Variants in TNIK observed in about 807,000 individuals in gnomAD.
TNIK encodes the protein TRAF2 and NCK-interacting protein kinase.
TNIK carries 49 observed loss-of-function variants against 191.3 expected under a neutral mutation model. The ratio of observed to expected loss-of-function variants is 0.26; its 90% confidence interval spans 0.20 to 0.32. The LOEUF (loss-of-function observed/expected upper bound fraction) is 0.32. TNIK is among the 10% of genes least tolerant of loss of function. The probability of loss-of-function intolerance (pLI) is 1.00; values close to 1 mark genes in which losing one functional copy is unlikely to be tolerated. For synonymous variants in TNIK, 594 were observed against 600.9 expected, an observed-to-expected ratio of 0.99 and a Z score of 0.17; for missense variants, 1,155 against 1,702.3, an observed-to-expected ratio of 0.68 and a Z score of 5.66.
Position 171,115,171 on chromosome 3 carries a change from T to A in TNIK, c.2121-4294A>T, listed in dbSNP as rs1000824041. Among the ~76,000 whole-genome samples the A allele has an allele frequency of 6.6e-5, 10 of 152,280 alleles. No individual in the cohort carries two copies. The Middle Eastern group carries it at 0.01, about 155-fold the overall frequency. ...TAGTATTCTTTGTATTACAAAAAAA[T>A]AAATAAAAAATCTCTTGAGAGGAGG... On this transcript the variant is annotated intron_variant, in intron 18 of 32. Transcript: ENST00000436636.
chr3:171,318,735 T>C (rs150721921), intron 2 of TNIK, among the ~76,000 whole-genome samples: 1 of 152,328 alleles, frequency 6.6e-6, no homozygotes, highest in East Asian at 1.9e-4. Flanking sequence ...CCTCCTTTTA[T>C]AAACTCTCAA....
At chr3:171,336,592 A>G (rs1756971255) in intron 2 of TNIK, among the ~76,000 whole-genome samples, 2 of 152,200 alleles carry the variant, frequency 1.3e-5, no homozygotes, top group South Asian at 2.1e-4. Flanking sequence ...ACCTGATGAC[A>G]TACATTTTAT....
In TNIK at chr3:171,460,297, G is replaced by C. The variant is rs1476416247; in HGVS notation, c.-234C>G. On this transcript the variant is annotated 5_prime_UTR_variant, in exon 1 of 33. Coordinates refer to ENST00000436636, the MANE Select transcript of TNIK (RefSeq NM_015028.4). This position sits in a 1 kb window ranked among gnomAD's most constrained non-coding sequence, Gnocchi z 6.8. ...ATCTCCAAGCCCCGAGCAGCGGTGC[G>C]TGTGGGCTGAGCGCCCCGATCGGCT... 1.0e-5 allele frequency: 6 copies of C among 594,020 alleles called. No homozygotes were observed. Among genetic ancestry groups the C allele is most frequent in the Non-Finnish European group, 1.8e-5 (6 of 338,160 alleles). The allele number at this position is 594,020 out of a possible 1,614,324, so 36.8% of individuals were successfully genotyped here. A position where few individuals can be genotyped will look rare whatever the true frequency, so the allele number is the denominator to read the frequency against.
intron 4 of TNIK, among the ~76,000 whole-genome samples, chr3:171,197,616 A>G (rs1738869624): frequency 6.6e-6 from 1 of 152,236 alleles, no homozygotes; most frequent in African/African-American, 2.4e-5. Flanking sequence ...CATTCCTCCA[A>G]AGAAGATATA....
chr3:171,426,980 C>T (rs182372702), intron 1 of TNIK, among the ~76,000 whole-genome samples: 24 of 152,212 alleles, frequency 1.6e-4, no homozygotes, highest in African/African-American at 5.3e-4. Context: ...GTGGAAGTGC[C>T]CAGGGTCTTG....
chr3:171,107,432 A>G (rs1347468856), intron 20 of TNIK, among the ~76,000 whole-genome samples: 1 of 152,224 alleles, frequency 6.6e-6, no homozygotes, highest in Non-Finnish European at 1.5e-5. Context: ...CTTCACGTTC[A>G]TTTTACAGAA....
intron 1 of TNIK, among the ~76,000 whole-genome samples, chr3:171,426,863 G>A (rs138810141): frequency 2.0e-5 from 3 of 152,226 alleles, no homozygotes; most frequent in East Asian, 1.9e-4. Context: ...AATGAAGAGC[G>A]AGATTCAGGT....
chr3:171,081,677 C>T (rs1720700367), intron 27 of TNIK, among the ~76,000 whole-genome samples: 1 of 149,478 alleles, frequency 6.7e-6, no homozygotes, highest in African/African-American at 2.5e-5. Context: ...GTTACAAGGC[C>T]TTCACTTTAG....
At chr3:171,333,584 G>GAAA (rs562856294) in intron 2 of TNIK, among the ~76,000 whole-genome samples, 19 of 114,226 alleles carry the variant, frequency 1.7e-4, no homozygotes, top group South Asian at 3.1e-4. Flanking sequence ...CAAAAAGAAA[G>GAAA]AAAAAAAAAA....
chr3:171,365,790 C>A (rs1391000710), intron 2 of TNIK, among the ~76,000 whole-genome samples: 3 of 152,266 alleles, frequency 2.0e-5, no homozygotes, highest in East Asian at 3.9e-4. Context: ...CAATAGCCAC[C>A]ACGACGGCCT....
chr3:171,383,511 G>A (rs1718336574), intron 1 of TNIK, among the ~76,000 whole-genome samples: 1 of 152,116 alleles, frequency 6.6e-6, no homozygotes. Context: ...AGAAAAACTG[G>A]TCTCCATTCA....
chr3:171,126,261 G>T, intron 16 of TNIK, 110 bp from the exon 17 acceptor site: 2 of 1,342,368 alleles, frequency 1.5e-6, no homozygotes, highest in Non-Finnish European at 1.9e-6. Flanking sequence ...CACAAAAATT[G>T]GACTATAGAG....
At chr3:171,347,221 GAAAAA>G (rs3082367) in intron 2 of TNIK, 5 of 1,417,846 alleles carry the variant, frequency 3.5e-6, no homozygotes, top group Admixed American at 2.4e-5. Context: ...TTCATTTGCT[GAAAAA>G]AAAAAAAAAA....
At chr3:171,248,876 AT>A (rs11352819) in intron 2 of TNIK, among the ~76,000 whole-genome samples, 78,061 of 152,086 alleles carry the variant, frequency 0.51, 20,756 homozygotes, top group African/African-American at 0.65. Context: ...GCCAAGTCTT[AT>A]TGACCTTGTC....
At chr3:171,418,578 AAGTC>A (rs1723369688) in intron 1 of TNIK, among the ~76,000 whole-genome samples, 1 of 152,188 alleles carries the variant, frequency 6.6e-6, no homozygotes, top group South Asian at 2.1e-4. Flanking sequence ...TAAATGAAAA[AAGTC>A]AGTCACAAGA....
At chr3:171,131,063 C>A (rs941742446) in intron 15 of TNIK, among the ~76,000 whole-genome samples, 12 of 144,116 alleles carry the variant, frequency 8.3e-5, no homozygotes, top group African/African-American at 2.6e-4. Context: ...CCACAGGGGG[C>A]CCTAAAGCTA....
chr3:171,377,513 T>C (rs1385192260), intron 1 of TNIK, among the ~76,000 whole-genome samples: 1 of 152,264 alleles, frequency 6.6e-6, no homozygotes, highest in Non-Finnish European at 1.5e-5. Flanking sequence ...TAAGCTATAA[T>C]AGGCATTATC....
chr3:171,082,896 A>G (rs1720868102), intron 26 of TNIK, among the ~76,000 whole-genome samples: 1 of 152,184 alleles, frequency 6.6e-6, no homozygotes, highest in Non-Finnish European at 1.5e-5. Flanking sequence ...TAACTATCTT[A>G]TGCCCCATAC....
intron 2 of TNIK, among the ~76,000 whole-genome samples, chr3:171,291,030 A>G (rs938955132): frequency 6.6e-6 from 1 of 152,112 alleles, no homozygotes; most frequent in South Asian, 2.1e-4. Context: ...GGCTTTTAGC[A>G]TTATTTTTTT....
Sources: allele counts gnomAD v4.1 joint callset (sites outside exome capture counted in the v4.1 genomes callset), GRCh38; gene constraint gnomAD v4.1.1; non-coding constraint Gnocchi (gnomAD v3.1); transcripts MANE v1.5; gene names NCBI Gene and HGNC (gene_info 2026-07-23, HGNC 2026-07-21).